Variants in C10orf88 observed in about 807,000 individuals in gnomAD.
C10orf88 encodes the protein chromosome 10 open reading frame 88.
A neutral mutation model predicts 34.2 loss-of-function variants in C10orf88; 29 were observed. The ratio of observed to expected loss-of-function variants is 0.85; its 90% confidence interval spans 0.63 to 1.16. The LOEUF is 1.16. C10orf88 is among the 50% of genes most tolerant of loss of function. The pLI is 0.00. For missense variants in C10orf88, 507 were observed against 533.2 expected (o/e 0.95, Z 0.48); for synonymous variants, 194 against 197.4 (o/e 0.98, Z 0.15).
chr10:122,950,295 G>C (rs943852642), intron 3 of C10orf88, among the ~76,000 whole-genome samples: 3 of 152,186 alleles, frequency 2.0e-5, no homozygotes, highest in Non-Finnish European at 4.4e-5. Context: ...TCAAAAACCT[G>C]TATAAGTAAC....
chr10:122,937,578 G>A lies in C10orf88; in HGVS notation c.1103+127C>T, dbSNP rs1377986398. The A allele has an allele frequency of 4.0e-6, 3 of 747,490 alleles. No individual in the cohort carries two copies. In the East Asian group the frequency reaches 7.9e-5, roughly 20 times the overall value. 46.3% of individuals were successfully genotyped at this position (747,490 alleles called of 1,614,324 possible). A position where few individuals can be genotyped will look rare whatever the true frequency, so the allele number is the denominator to read the frequency against. On this transcript the variant is annotated intron_variant, in intron 5 of 5. Coordinates refer to ENST00000481909, the MANE Select transcript of C10orf88 (RefSeq NM_024942.4). ...CCTTTAAGTGTATTAATGGTAAAAT[G>A]TAAAAGTTGCTAAAATTTTCTCTGG...
intron 2 of C10orf88, among the ~76,000 whole-genome samples, chr10:122,952,314 A>G (rs1321239464): frequency 6.6e-6 from 1 of 152,268 alleles, no homozygotes; most frequent in African/African-American, 2.4e-5. Context: ...TGCAGGATAT[A>G]AAACAGTTCA....
At chr10:122,940,824 AT>A (rs1342048129) in intron 4 of C10orf88, among the ~76,000 whole-genome samples, 1 of 152,060 alleles carries the variant, frequency 6.6e-6, no homozygotes, top group Non-Finnish European at 1.5e-5. Flanking sequence ...AGAAAGCTGT[AT>A]TTATTGATAT....
Position 122,932,384 on chromosome 10 carries a change from A to C in C10orf88, c.*43T>G. On this transcript the variant is annotated 3_prime_UTR_variant, in exon 6 of 6. Coordinates refer to ENST00000481909, the MANE Select transcript of C10orf88 (RefSeq NM_024942.4). ...ATTTTTGGGTTTTGGCTTTGTAATA[A>C]ATATGTAATAAATATCTGCAGTACA... 1.3e-6 allele frequency: 2 copies of C among 1,489,956 alleles called. No individual in the cohort carries two copies. Among genetic ancestry groups the C allele is most frequent in the Non-Finnish European group, 1.8e-6 (2 of 1,089,652 alleles). The allele number at this position is 1,489,956 out of a possible 1,614,324, so 92.3% of individuals were successfully genotyped here.
intron 4 of C10orf88, among the ~76,000 whole-genome samples, chr10:122,945,230 C>T (rs1848628679): frequency 6.6e-6 from 1 of 152,106 alleles, no homozygotes. Context: ...TAACACATTA[C>T]TCACATGTTT....
At chr10:122,945,649 TA>T (rs951887545) in intron 4 of C10orf88, among the ~76,000 whole-genome samples, 1 of 151,122 alleles carries the variant, frequency 6.6e-6, no homozygotes, top group African/African-American at 2.4e-5. Context: ...GTTTAAAACT[TA>T]AAAAAAAATT....
rs1178722135 is a variant in C10orf88 at position 122,954,130 on chromosome 10, C to T, written c.49G>A (p.Ala17Thr). 1.9e-6 allele frequency: 3 copies of T among 1,587,068 alleles called. No individual in the cohort carries two copies. Among genetic ancestry groups the T allele is most frequent in the Non-Finnish European group, 2.6e-6 (3 of 1,170,484 alleles). The change falls in exon 1 of 6, where the codon GCC (alanine) becomes ACC (threonine). Residue 17 changes from alanine to threonine, a missense_variant. Coordinates refer to ENST00000481909, the MANE Select transcript of C10orf88 (RefSeq NM_024942.4). ...DGGLTRRPTL[A>T]SSWDVAGGAL... ...CCGCCTGCAACATCCCAAGAAGAGG[C>T]CAGCGTGGGGCGGCGGGTGAGGCCC...
At chr10:122,941,832 A>G (rs1848585795) in intron 4 of C10orf88, among the ~76,000 whole-genome samples, 1 of 152,106 alleles carries the variant, frequency 6.6e-6, no homozygotes, top group Non-Finnish European at 1.5e-5. Context: ...GTTATTGTAC[A>G]GTGTACATAG....
intron 4 of C10orf88, among the ~76,000 whole-genome samples, chr10:122,946,171 T>C (rs1472063761): frequency 6.6e-6 from 1 of 152,140 alleles, no homozygotes; most frequent in Non-Finnish European, 1.5e-5. Context: ...TTAAAGAAAT[T>C]TAGCATAGCC....
chr10:122,946,961 G>A (rs1848646411), intron 4 of C10orf88, among the ~76,000 whole-genome samples: 2 of 152,078 alleles, frequency 1.3e-5, no homozygotes, highest in Admixed American at 6.6e-5. Flanking sequence ...GGCAAGCAGG[G>A]CCTACATTTT....
At chr10:122,945,574 A>C (rs1848631637) in intron 4 of C10orf88, among the ~76,000 whole-genome samples, 1 of 152,118 alleles carries the variant, frequency 6.6e-6, no homozygotes, top group Non-Finnish European at 1.5e-5. Context: ...AGTGATACTT[A>C]TGATCCTGAC....
chr10:122,953,994 G>A (rs1848721551), intron 1 of C10orf88, 21 bp downstream of exon 1: 2 of 1,504,952 alleles, frequency 1.3e-6, no homozygotes, highest in Non-Finnish European at 1.8e-6. Context: ...TAGCGACCCC[G>A]TCCCCGTCGG....
Position 122,948,795 on chromosome 10 carries a change from A to C in C10orf88, c.502T>G (p.Ser168Ala). The C allele has an allele frequency of 6.2e-7, 1 of 1,613,840 alleles. No individual in the cohort carries two copies. The highest frequency in any genetic ancestry group is 8.5e-7 in the Non-Finnish European group (1 of 1,179,882). Residue 168 changes from serine to alanine, a missense_variant, in exon 4 of 6, where the codon TCA (serine) becomes GCA (alanine). By Grantham distance (99) the Ser-to-Ala change is moderately conservative. Transcript: ENST00000481909. ...CTTGTTGAAGAATTTGCAAAAACTGATCTCATGTGTACCACAACTTTACTG... is the reference window on the plus strand; with the variant it reads ...CTTGTTGAAGAATTTGCAAAAACTGCTCTCATGTGTACCACAACTTTACTG... ...FISKVVVHMRSVFANSSTSSP... is the reference protein window; with the variant it reads ...FISKVVVHMRAVFANSSTSSP...
chr10:122,941,854 G>T (rs2133331825), intron 4 of C10orf88, among the ~76,000 whole-genome samples: 1 of 152,204 alleles, frequency 6.6e-6, no homozygotes, highest in South Asian at 2.1e-4. Context: ...AGTAACCCAT[G>T]AGTGTTGGCT....
intron 5 of C10orf88, 24 bp from the exon 6 acceptor site, chr10:122,932,685 TGTAA>T: frequency 6.6e-7 from 1 of 1,509,736 alleles, no homozygotes; most frequent in Non-Finnish European, 9.0e-7. Flanking sequence ...TTTAAAAATG[TGTAA>T]ATTTTCCCTA....
intron 3 of C10orf88, among the ~76,000 whole-genome samples, 165 bp from the exon 4 acceptor site, chr10:122,949,020 T>A (rs760032848): frequency 6.6e-6 from 1 of 152,202 alleles, no homozygotes; most frequent in Non-Finnish European, 1.5e-5. Flanking sequence ...CAGGAAAAAT[T>A]CCAATTTATC....
At chr10:122,950,050 A>T (rs1208554818) in intron 3 of C10orf88, among the ~76,000 whole-genome samples, 1 of 152,196 alleles carries the variant, frequency 6.6e-6, no homozygotes, top group Non-Finnish European at 1.5e-5. Flanking sequence ...TTCTGAAACG[A>T]GACATTTCAT....
chr10:122,952,908 T>C lies in C10orf88; in HGVS notation c.289A>G (p.Arg97Gly). ...IASIGILSSA[R>G]NMEVYLGEEY... ...TCTCCTAAGTACACTTCCATATTTC[T>C]TGCTGAACTTAAAATGCCAATAGAA... Residue 97 changes from arginine to glycine, a missense_variant, in exon 2 of 6, where the codon AGA becomes GGA. Arg to Gly is a moderately radical substitution (Grantham distance 125). Transcript: ENST00000481909. 6.2e-7 allele frequency: 1 copy of C among 1,614,216 alleles called. No individual in the cohort carries two copies. The highest frequency in any genetic ancestry group is 1.1e-5 in the South Asian group (1 of 91,086).
chr10:122,943,752 C>T (rs1359507433), intron 4 of C10orf88, among the ~76,000 whole-genome samples: 1 of 152,106 alleles, frequency 6.6e-6, no homozygotes, highest in Non-Finnish European at 1.5e-5. Context: ...GACATTTATG[C>T]AGCCAAAAAA....
Sources: allele counts gnomAD v4.1 joint callset (sites outside exome capture counted in the v4.1 genomes callset), GRCh38; gene constraint gnomAD v4.1.1; transcripts MANE v1.5; gene names NCBI Gene and HGNC (gene_info 2026-07-23, HGNC 2026-07-21).